The following INCENP variants were observed in gnomAD, a reference collection of about 807,000 sequenced individuals.
INCENP encodes the protein binds and activates aurora-B and -C in vivo and in vitro.
Under a neutral mutation model 107.3 loss-of-function variants are expected in INCENP, and 43 were observed. The observed-to-expected ratio is 0.40, with a 90% confidence interval of 0.31 to 0.52. The LOEUF (loss-of-function observed/expected upper bound fraction) is 0.52. Ranked by LOEUF, INCENP falls within the 20% of genes least tolerant of loss-of-function variation. The probability of loss-of-function intolerance (pLI) is 0.53; values close to 1 mark genes in which losing one functional copy is unlikely to be tolerated. For synonymous variants in INCENP, 488 were observed against 494.4 expected, an observed-to-expected ratio of 0.99 and a Z score of 0.17; for missense variants, 1,089 against 1,250.9, an observed-to-expected ratio of 0.87 and a Z score of 1.95.
Position 62,151,933 on chromosome 11 carries a change from C to T in INCENP, c.2714C>T (p.Ala905Val). 2 of 1,612,848 alleles carry T rather than the reference C, an allele frequency of 1.2e-6. No individual in the cohort carries two copies. The highest frequency in any genetic ancestry group is 1.1e-5 in the South Asian group (1 of 91,088). ...TGGAACTCACCGCCCCTGCAGGGCG[C>T]CAGGGTCCCCAGCAGCCTGGCCTAC... ...AVWNSPPLQG[A>V]RVPSSLAYSL... Residue 905 changes from alanine (A) to valine (V), a missense_variant, in exon 19 of 19, where the codon GCC becomes GTC. Coordinates refer to ENST00000394818, the MANE Select transcript of INCENP (RefSeq NM_001040694.2).
chr11:62,130,254 C>A lies in INCENP; in HGVS notation c.727C>A (p.Pro243Thr), dbSNP rs751153792. The A allele has an allele frequency of 1.2e-6, 2 of 1,613,506 alleles. No individual in the cohort carries two copies. Among genetic ancestry groups the A allele is most frequent in the Non-Finnish European group, 8.5e-7 (1 of 1,180,022 alleles). ...VSSLMATPQD[P>T]KGQGVGTGRS... ...CTCCCTGATGGCTACACCCCAGGAC[C>A]CCAAGGGTCAAGGGGTCGGGACGGG... Residue 243 changes from proline (P) to threonine (T), a missense_variant, in exon 4 of 19, where the codon CCC becomes ACC. Pro to Thr is a conservative substitution (Grantham distance 38). Transcript: ENST00000394818.
At position 62,150,099 on chromosome 11, in the gene INCENP, A is replaced by C; in HGVS notation, c.2434A>C (p.Arg812=). ...TSYQMTPQGH[R]APPKINPDNY... is the part of the protein sequence containing the mutation. ...ATATCAGATGACTCCGCAAGGGCAC[A>C]GGGCCCCTCCCAAGATCAACCCAGA... The change falls in exon 18 of 19, where the codon AGG becomes CGG. Residue 812 remains arginine, a synonymous_variant. Coordinates refer to ENST00000394818, the MANE Select transcript of INCENP (RefSeq NM_001040694.2). 1 of 1,614,028 alleles carries C rather than the reference A, an allele frequency of 6.2e-7. No homozygotes were observed. The highest frequency in any genetic ancestry group is 1.6e-4 in the Middle Eastern group (1 of 6,062).
Position 62,148,762 on chromosome 11 carries a change from G to A in INCENP, c.2307G>A (p.Glu769=), listed in dbSNP as rs747895602. The A allele has an allele frequency of 1.0e-5, 16 of 1,600,934 alleles. 1 individual carries two copies. In the South Asian group the frequency reaches 1.0e-4, roughly 10 times the overall value. Reference sequence around the variant, plus strand: ...AGGAAGAGCAGCAGCGTCTGGCTGAGCGGCAGCTGCAGGAGGAGCAAGAGA... The same window carrying A: ...AGGAAGAGCAGCAGCGTCTGGCTGAACGGCAGCTGCAGGAGGAGCAAGAGA... ...KKKEEQQRLA[E]RQLQEEQEKK... Residue 769 remains glutamate (E), a synonymous_variant, in exon 17 of 19, where the codon GAG becomes GAA. Coordinates refer to ENST00000394818, the MANE Select transcript of INCENP (RefSeq NM_001040694.2).
At chr11:62,139,751 A>G (rs1341284453) in intron 7 of INCENP, among the ~76,000 whole-genome samples, 1 of 152,192 alleles carries the variant, frequency 6.6e-6, no homozygotes, top group Non-Finnish European at 1.5e-5. Flanking sequence ...GGTGGAATTT[A>G]GAAGCTGTGC....
rs60371396 is a variant in INCENP at position 62,126,208 on chromosome 11, T to TTTTTTTC, written c.-11-1938_-11-1937insTCTTTTT. 1.4e-3 allele frequency among the ~76,000 whole-genome samples: 125 copies of TTTTTTTC among 88,900 alleles called. 1 individual carries two copies. Among genetic ancestry groups the TTTTTTTC allele is most frequent in the African/African-American group, 3.6e-3 (110 of 30,272 alleles). The allele number at this position is 88,900 out of a possible 152,430, so 58.3% of individuals were successfully genotyped here. ...AGGCTGAGTTGTGCATGGTTTTTTT[T>TTTTTTTC]TTTTTGAGATAGAGTCTCCCTCTGT... On this transcript the variant is annotated intron_variant, in intron 1 of 18. Transcript: ENST00000394818.
chr11:62,140,037 C>T lies in INCENP; in HGVS notation c.1292-197C>T, dbSNP rs546934001. ...CAAGGATCCGCCCACCTTGGCCTCCCAAAGTGCTTGTAGATTCCTCAAGGC... is the reference window on the plus strand; with the variant it reads ...CAAGGATCCGCCCACCTTGGCCTCCTAAAGTGCTTGTAGATTCCTCAAGGC... On this transcript the variant is annotated intron_variant, in intron 7 of 18. Coordinates refer to ENST00000394818, the MANE Select transcript of INCENP (RefSeq NM_001040694.2). Among the ~76,000 whole-genome samples, 4 of 152,206 alleles carry T rather than the reference C, an allele frequency of 2.6e-5. No individual in the cohort carries two copies. In the East Asian group the frequency reaches 7.7e-4, roughly 29 times the overall value.
In INCENP at chr11:62,146,804, G is replaced by A. The variant is rs1397117119; in HGVS notation, c.2106G>A (p.Arg702=). The A allele has an allele frequency of 2.0e-6, 3 of 1,536,610 alleles. No homozygotes were observed. Among genetic ancestry groups the A allele is most frequent in the Admixed American group, 2.0e-5 (1 of 50,536 alleles). ...AGCAGGAGCGGCGCGAGCAGGAGCG[G>A]CGCGAGCAGGAGCGGCGGGAGCAGG... The part of the protein sequence containing the change: ...RREQERREQE[R]REQERREQER... Residue 702 remains arginine, a synonymous_variant, in exon 15 of 19, where the codon CGG becomes CGA. Coordinates refer to ENST00000394818, the MANE Select transcript of INCENP (RefSeq NM_001040694.2).
At chr11:62,145,410 A>G (rs1172902111) in intron 13 of INCENP, 121 bp downstream of exon 13, 6 of 1,451,222 alleles carry the variant, frequency 4.1e-6, no homozygotes, top group East Asian at 4.6e-5. Context: ...TGTCTGCCCC[A>G]TGGGCCCTGG....
chr11:62,127,093 A>G (rs1281695616), intron 1 of INCENP, among the ~76,000 whole-genome samples: 1 of 150,934 alleles, frequency 6.6e-6, no homozygotes, highest in African/African-American at 2.4e-5. Context: ...CTGGGGTGCA[A>G]TGGTGTGATC....
intron 16 of INCENP, 58 bp downstream of exon 16, chr11:62,148,612 T>C: frequency 6.5e-7 from 1 of 1,536,386 alleles, no homozygotes; most frequent in Non-Finnish European, 8.9e-7. Flanking sequence ...TGGGCGGGTC[T>C]GGACTCCTGC....
chr11:62,150,340 T>G, intron 18 of INCENP, 133 bp downstream of exon 18: 2 of 890,294 alleles, frequency 2.2e-6, no homozygotes, highest in Non-Finnish European at 3.4e-6. Context: ...TTCGAGGCTC[T>G]AGCCTTGGGT....
rs765577708 is a variant in INCENP at position 62,137,882 on chromosome 11, G to T, written c.1114G>T (p.Gly372Cys). Residue 372 changes from glycine (G) to cysteine (C), a missense_variant and splice_region_variant, in exon 5 of 19, where the codon GGT becomes TGT. Coordinates refer to ENST00000394818, the MANE Select transcript of INCENP (RefSeq NM_001040694.2). ...LLNVEVPQKV[G>C]SEQKEPPEEA... ...GAATGTTGAGGTGCCCCAGAAAGTTGGGTGAGTTCAGTTCCAGGGCTTCGG... is the reference window on the plus strand; with the variant it reads ...GAATGTTGAGGTGCCCCAGAAAGTTTGGTGAGTTCAGTTCCAGGGCTTCGG... 1.2e-6 allele frequency: 2 copies of T among 1,614,012 alleles called. No individual in the cohort carries two copies. The highest frequency in any genetic ancestry group is 2.2e-5 in the South Asian group (2 of 91,090).
intron 18 of INCENP, 90 bp downstream of exon 18, chr11:62,150,297 T>A (rs1590631563): frequency 7.2e-7 from 1 of 1,390,668 alleles, no homozygotes; most frequent in Non-Finnish European, 1.0e-6. Flanking sequence ...GCTGCTGCGG[T>A]GTTGGGAGGC....
chr11:62,127,530 G>A (rs1486499878), intron 1 of INCENP, among the ~76,000 whole-genome samples: 6 of 152,310 alleles, frequency 3.9e-5, no homozygotes, highest in African/African-American at 1.4e-4. Flanking sequence ...GTTGTGGGAG[G>A]CCCCTTGAGG....
intron 1 of INCENP, among the ~76,000 whole-genome samples, chr11:62,127,237 T>C (rs1445764043): frequency 6.6e-6 from 1 of 152,084 alleles, no homozygotes; most frequent in Non-Finnish European, 1.5e-5. Context: ...TTTCACCACA[T>C]TGGCCAGGCT....
At chr11:62,137,271 C>A (rs943719717) in intron 4 of INCENP, among the ~76,000 whole-genome samples, 2 of 152,176 alleles carry the variant, frequency 1.3e-5, no homozygotes, top group African/African-American at 4.8e-5. Context: ...CCACTACACA[C>A]CAGCCTGGGC....
In INCENP at chr11:62,124,174, G is replaced by A. The variant is rs61895534; in HGVS notation, c.-12+11G>A. ...ACGTGGCGCAGTCGAGTGAGTGCGC[G>A]TGGGCGTGGGGATTGGGGGGTGGTT... On this transcript the variant is annotated intron_variant, in intron 1 of 18. Coordinates refer to ENST00000394818, the MANE Select transcript of INCENP (RefSeq NM_001040694.2). The A allele has an allele frequency of 0.059, 9,028 of 152,316 alleles. 361 individuals are homozygous for A. Among genetic ancestry groups the A allele is most frequent in the Admixed American group, 0.14 (2,183 of 15,290 alleles). The allele number at this position is 152,316 out of a possible 1,614,324, so 9.4% of individuals were successfully genotyped here. A position where few individuals can be genotyped will look rare whatever the true frequency, so the allele number is the denominator to read the frequency against.
At chr11:62,143,814 G>A (rs911416747) in intron 11 of INCENP, among the ~76,000 whole-genome samples, 5 of 152,222 alleles carry the variant, frequency 3.3e-5, no homozygotes, top group Non-Finnish European at 5.9e-5. Context: ...GGTGATGGGT[G>A]TGGGGCTTCC....
At chr11:62,148,342 T>A in intron 15 of INCENP, 134 bp from the exon 16 acceptor site, 1 of 753,692 alleles carries the variant, frequency 1.3e-6, no homozygotes, top group South Asian at 1.8e-5. Context: ...GGCTCTAAGC[T>A]GGTTGCCCAT....
Sources: allele counts gnomAD v4.1 joint callset (sites outside exome capture counted in the v4.1 genomes callset), GRCh38; gene constraint gnomAD v4.1.1; transcripts MANE v1.5; gene names NCBI Gene and HGNC (gene_info 2026-07-23, HGNC 2026-07-21).